The following AGO2 variants were observed in gnomAD, a reference collection of about 807,000 sequenced individuals.
AGO2 encodes protein argonaute-2.
Under a neutral mutation model 102.3 loss-of-function variants are expected in AGO2, and 5 were observed. The ratio of observed to expected loss-of-function variants is 0.05; its 90% CI spans 0.03 to 0.10. The LOEUF (loss-of-function observed/expected upper bound fraction) is 0.10. Among genes scored for constraint, AGO2 ranks in the 10% least tolerant of loss-of-function variants. AGO2 has a pLI of 1.00. For missense variants in AGO2, 541 were observed against 1,183.7 expected (o/e 0.46, Z 7.97); for synonymous variants, 449 against 473.1 (o/e 0.95, Z 0.66).
rs149517797 is a variant in AGO2, at chr8:140,567,047, G to A, written c.337-4413C>T. On this transcript the variant is annotated intron_variant, in intron 3 of 18. Transcript: ENST00000220592. The surrounding 1 kb of genome is among the most constrained non-coding windows in gnomAD (Gnocchi z 5.0). ...AGCCTACAGTGCTGTGCCCTGGCAC[G>A]GATCGGATGCCTGTCAATGCCACCT... Among the ~76,000 whole-genome samples, 136 of 152,358 alleles carry A rather than the reference G, an allele frequency of 8.9e-4. No homozygotes were observed. The highest frequency in any genetic ancestry group is 3.0e-3 in the African/African-American group (125 of 41,580).
At chr8:140,597,740 T>C (rs1429842212) in intron 1 of AGO2, among the ~76,000 whole-genome samples, 1 of 151,818 alleles carries the variant, frequency 6.6e-6, no homozygotes, top group East Asian at 1.9e-4. Flanking sequence ...CCATCTGAGT[T>C]CCGTCCCACA....
At chr8:140,566,537 A>C (rs2073286918) in intron 3 of AGO2, among the ~76,000 whole-genome samples, 1 of 151,888 alleles carries the variant, frequency 6.6e-6, no homozygotes, top group South Asian at 2.1e-4. Context: ...CTGAAAATGC[A>C]CATTTGGCAT....
At chr8:140,587,794 T>C (rs1388658683) in intron 1 of AGO2, among the ~76,000 whole-genome samples, 1 of 152,142 alleles carries the variant, frequency 6.6e-6, no homozygotes, top group Non-Finnish European at 1.5e-5. Flanking sequence ...TAACACCACC[T>C]AGGGATGCGC....
At chr8:140,613,076 C>T (rs536353926) in intron 1 of AGO2, among the ~76,000 whole-genome samples, 18 of 151,692 alleles carry the variant, frequency 1.2e-4, no homozygotes, top group Non-Finnish European at 1.9e-4. Context: ...GGCAGACGCC[C>T]GTAGTCCCAG....
At chr8:140,574,622 G>T (rs1236906923) in intron 2 of AGO2, among the ~76,000 whole-genome samples, 5 of 152,108 alleles carry the variant, frequency 3.3e-5, no homozygotes, top group Non-Finnish European at 7.4e-5. Context: ...CGCACACTAC[G>T]CCTGATAAAG....
intron 1 of AGO2, among the ~76,000 whole-genome samples, chr8:140,634,344 C>G (rs1165274433): frequency 2.0e-5 from 3 of 152,260 alleles, no homozygotes; most frequent in African/African-American, 7.2e-5. Flanking sequence ...TCTGCAGCAA[C>G]GAGGGCAGCA....
At chr8:140,583,063 GAC>G (rs2073582044) in intron 2 of AGO2, among the ~76,000 whole-genome samples, 1 of 152,218 alleles carries the variant, frequency 6.6e-6, no homozygotes, top group African/African-American at 2.4e-5. Context: ...ATCAGCTGGG[GAC>G]ACAGACAGAA....
chr8:140,547,773 C>G, intron 12 of AGO2, 146 bp from the exon 13 acceptor site: 1 of 1,211,596 alleles, frequency 8.3e-7, no homozygotes, highest in Non-Finnish European at 1.1e-6. Flanking sequence ...CCCCCTCTGT[C>G]CGAGGTCGGT....
At chr8:140,613,165 A>C (rs886444777) in intron 1 of AGO2, among the ~76,000 whole-genome samples, 1 of 152,144 alleles carries the variant, frequency 6.6e-6, no homozygotes, top group Admixed American at 6.6e-5. Flanking sequence ...GCGCCACTGC[A>C]CTCCAGCCTG....
At chr8:140,547,366 G>A in intron 13 of AGO2, 102 bp downstream of exon 13, 2 of 1,447,324 alleles carry the variant, frequency 1.4e-6, no homozygotes, top group East Asian at 4.6e-5. Context: ...GGGCCCAGGT[G>A]AAGGGACCCT....
At chr8:140,544,174 T>C (rs1176723152) in intron 14 of AGO2, 39 bp downstream of exon 14, 90 of 1,541,032 alleles carry the variant, frequency 5.8e-5, no homozygotes, top group Non-Finnish European at 7.6e-5. Flanking sequence ...GTCCTGCATG[T>C]TGTCAATGGA....
intron 1 of AGO2, among the ~76,000 whole-genome samples, chr8:140,623,442 C>G (rs969947795): frequency 6.6e-6 from 1 of 152,186 alleles, no homozygotes; most frequent in South Asian, 2.1e-4. Context: ...CACTGCCACA[C>G]GTCCCCCGGC....
Position 140,539,726 on chromosome 8 carries a change from C to T in AGO2, c.2035-272G>A, listed in dbSNP as rs113022543. On this transcript the variant is annotated intron_variant, in intron 15 of 18. Coordinates refer to ENST00000220592, the MANE Select transcript of AGO2 (RefSeq NM_012154.5). This position sits in a 1 kb window ranked among gnomAD's most constrained non-coding sequence, Gnocchi z 4.7. Reference sequence around the variant, plus strand: ...GTGTGTGTGCAAGGGGCGCAGCCAACGCCAGGGATGCAGGCTGGGCTCTGC... The same window carrying T: ...GTGTGTGTGCAAGGGGCGCAGCCAATGCCAGGGATGCAGGCTGGGCTCTGC... 6.2e-3 allele frequency among the ~76,000 whole-genome samples: 951 copies of T among 152,318 alleles called. 10 individuals are homozygous for T. The highest frequency in any genetic ancestry group is 0.022 in the African/African-American group (896 of 41,568).
intron 1 of AGO2, among the ~76,000 whole-genome samples, chr8:140,614,785 CCA>C (rs2074120091): frequency 6.6e-6 from 1 of 152,218 alleles, no homozygotes; most frequent in Admixed American, 6.5e-5. Context: ...ATGGCAGGAC[CCA>C]CAGAGTCATG....
At chr8:140,578,651 C>T (rs1206615361) in intron 2 of AGO2, among the ~76,000 whole-genome samples, 2 of 152,238 alleles carry the variant, frequency 1.3e-5, no homozygotes, top group South Asian at 2.1e-4. Flanking sequence ...GCATGCATTC[C>T]GTCCACCAGT....
intron 1 of AGO2, 79 bp downstream of exon 1, chr8:140,635,406 T>A: frequency 1.1e-6 from 1 of 897,964 alleles, no homozygotes; most frequent in Non-Finnish European, 1.3e-6. Context: ...CCCCGGCCCC[T>A]GCCGCCCGCG....
At chr8:140,614,320 T>C (rs2074116174) in intron 1 of AGO2, among the ~76,000 whole-genome samples, 1 of 152,142 alleles carries the variant, frequency 6.6e-6, no homozygotes, top group African/African-American at 2.4e-5. Context: ...TGAGACTCCG[T>C]CTCAAAACAA....
chr8:140,562,362 G>A (rs1327519951), intron 4 of AGO2, 91 bp downstream of exon 4: 4 of 1,459,606 alleles, frequency 2.7e-6, no homozygotes, highest in East Asian at 2.3e-5. Context: ...ATCCAAGAAT[G>A]AGCCGTTCCT....
Position 140,635,567 on chromosome 8 carries a change from A to T in AGO2, c.-61T>A, listed in dbSNP as rs2074397932. 1.4e-5 allele frequency: 14 copies of T among 968,802 alleles called. No homozygotes were observed. Among genetic ancestry groups the T allele is most frequent in the Non-Finnish European group, 1.7e-5 (14 of 820,154 alleles). 60.0% of individuals were successfully genotyped at this position (968,802 alleles called of 1,614,324 possible). On this transcript the variant is annotated 5_prime_UTR_variant, in exon 1 of 19. Coordinates refer to ENST00000220592, the MANE Select transcript of AGO2 (RefSeq NM_012154.5). ...GGCCGCGCGCGCGCCACGGGCCCCG[A>T]CGCCGCGAGCCGCGAGGGAGCCGCC...
Sources: allele counts gnomAD v4.1 joint callset (sites outside exome capture counted in the v4.1 genomes callset), GRCh38; gene constraint gnomAD v4.1.1; non-coding constraint Gnocchi (gnomAD v3.1); transcripts MANE v1.5; gene names NCBI Gene and HGNC (gene_info 2026-07-23, HGNC 2026-07-21).